Variants in ITGAE observed in about 807,000 individuals in gnomAD.
ITGAE encodes the protein integrin alpha-E.
Under a neutral mutation model 136.5 loss-of-function variants are expected in ITGAE, and 99 were observed. The observed-to-expected ratio is 0.73, with a 90% CI of 0.62 to 0.86. The LOEUF is 0.86. ITGAE is among the 40% of genes least tolerant of loss of function. The pLI is 0.00. For synonymous variants in ITGAE, 613 were observed against 591.8 expected, an observed-to-expected ratio of 1.04 and a Z score of -0.52; for missense variants, 1,447 against 1,515.3, an observed-to-expected ratio of 0.95 and a Z score of 0.75.
intron 1 of ITGAE, among the ~76,000 whole-genome samples, chr17:3,796,762 C>T (rs1009655521): frequency 6.6e-6 from 1 of 152,146 alleles, no homozygotes; most frequent in South Asian, 2.1e-4. Context: ...TCCCCTCAAC[C>T]CTCTGTCTCC....
intron 9 of ITGAE, 40 bp downstream of exon 9, chr17:3,757,666 G>T (rs909284885): frequency 6.2e-7 from 1 of 1,606,976 alleles, no homozygotes; most frequent in Admixed American, 1.7e-5. Flanking sequence ...ACCCCAGGCT[G>T]TGCAGGTTCA....
intron 28 of ITGAE, 117 bp downstream of exon 28, chr17:3,723,171 C>T: frequency 5.4e-6 from 4 of 747,180 alleles, no homozygotes; most frequent in Non-Finnish European, 9.3e-6. Flanking sequence ...TGGTTTTTTG[C>T]ACCAAAAGAT....
intron 18 of ITGAE, 62 bp downstream of exon 18, chr17:3,745,702 C>T: frequency 6.6e-7 from 1 of 1,521,074 alleles, no homozygotes; most frequent in Non-Finnish European, 9.1e-7. Flanking sequence ...CACTGCATCA[C>T]CTCAAATCCT....
intron 28 of ITGAE, among the ~76,000 whole-genome samples, chr17:3,722,130 G>T (rs1342174845): frequency 6.6e-6 from 1 of 151,468 alleles, no homozygotes; most frequent in Non-Finnish European, 1.5e-5. Context: ...AGTGAGCCGA[G>T]ATCGTGCCAT....
rs1257916563 is a variant in ITGAE, at chr17:3,799,023, A to G, written c.34+2088T>C. Among the ~76,000 whole-genome samples the G allele has an allele frequency of 2.6e-5, 4 of 152,156 alleles. No individual in the cohort carries two copies. On this transcript the variant is annotated intron_variant, in intron 1 of 30. Coordinates refer to ENST00000263087, the MANE Select transcript of ITGAE (RefSeq NM_002208.5). The surrounding 1 kb of genome is among the most constrained non-coding windows in gnomAD (Gnocchi z 4.1). ...CTGGAGAGAGTGGAAGGTCAGGGCC[A>G]GGCCAGGCCAGTCCTGGATTCTCTC...
rs114797837 is a variant in ITGAE, at chr17:3,796,441, G to A, written c.34+4670C>T. Among the ~76,000 whole-genome samples the A allele has an allele frequency of 5.6e-3, 846 of 152,236 alleles. 8 individuals carry two copies. The highest frequency in any genetic ancestry group is 0.019 in the African/African-American group (802 of 41,544). The stretch of plus-strand genomic sequence containing the variant: ...TGCCTTGGAGTCACTGAAGGACCCT[G>A]GGCTTGGCACCTCGCTTCCGTCTCC... On this transcript the variant is annotated intron_variant, in intron 1 of 30. Transcript: ENST00000263087.
At chr17:3,800,478 C>T (rs1349329054) in intron 1 of ITGAE, among the ~76,000 whole-genome samples, 4 of 152,212 alleles carry the variant, frequency 2.6e-5, no homozygotes, top group Non-Finnish European at 5.9e-5. Context: ...ACAGGGGGCC[C>T]CCGAAAGGAC....
At chr17:3,727,344 G>A (rs1297354150) in intron 26 of ITGAE, among the ~76,000 whole-genome samples, 1 of 151,784 alleles carries the variant, frequency 6.6e-6, no homozygotes, top group South Asian at 2.1e-4. Context: ...CAGAGAAGCA[G>A]AATTTATCAA....
intron 28 of ITGAE, chr17:3,722,417 G>T (rs999517589): frequency 5.3e-5 from 8 of 151,970 alleles, no homozygotes; most frequent in East Asian, 3.9e-4. Flanking sequence ...GGAGGCGGAG[G>T]TTGCAGTGAG....
At chr17:3,774,032 C>T (rs936536974) in intron 2 of ITGAE, among the ~76,000 whole-genome samples, 6 of 152,080 alleles carry the variant, frequency 3.9e-5, no homozygotes, top group East Asian at 1.9e-4. Context: ...TCACAGGATC[C>T]AAGTCTGCCT....
chr17:3,800,508 G>A (rs1477070514), intron 1 of ITGAE, among the ~76,000 whole-genome samples: 6 of 152,170 alleles, frequency 3.9e-5, no homozygotes, highest in African/African-American at 1.2e-4. Context: ...GGCTTGCCCA[G>A]AGGCTTCCAT....
chr17:3,721,260 CTTTTTTT>C (rs869087347), intron 28 of ITGAE, among the ~76,000 whole-genome samples: 2 of 46,214 alleles, frequency 4.3e-5, no homozygotes, highest in Admixed American at 2.9e-4. Context: ...GAGATTTTTC[CTTTTTTT>C]TTTTTTTTTT....
chr17:3,715,175 C>T (rs1040117280), intron 30 of ITGAE, among the ~76,000 whole-genome samples: 5 of 152,300 alleles, frequency 3.3e-5, no homozygotes, highest in South Asian at 4.1e-4. Context: ...CCTGCTCTCC[C>T]GAGCAGCTGA....
At chr17:3,720,726 G>T in intron 28 of ITGAE, 1 of 197,648 alleles carries the variant, frequency 5.1e-6, no homozygotes, top group Middle Eastern at 2.2e-3. Context: ...GGAATTATGG[G>T]CATGTGCCAC....
intron 1 of ITGAE, among the ~76,000 whole-genome samples, chr17:3,797,207 C>T (rs1251742151): frequency 1.4e-5 from 2 of 142,308 alleles, no homozygotes; most frequent in South Asian, 2.2e-4. Context: ...GCTCTGTCGC[C>T]CAGGCTGGAG....
At position 3,727,971 on chromosome 17, in the gene ITGAE, G is replaced by C; in HGVS notation, c.3032C>G (p.Thr1011Ser). Reference protein sequence around the residue: ...AEYQLQICVPTKLRGLQVVAV... With the variant: ...AEYQLQICVPSKLRGLQVVAV... ...TACAACCTGGAGACCTCGTAATTTG[G>C]TTGGGACGCAAATTTGCAACTGGTA... Residue 1011 changes from threonine to serine, a missense_variant, in exon 26 of 31, where the codon ACC (threonine) becomes AGC (serine). By Grantham distance (58) the Thr-to-Ser change is moderately conservative. This residue lies in a region of ITGAE where 1,031 missense variants were observed against 1,011.4 expected (regional missense o/e 1.02). Transcript: ENST00000263087. 1 of 1,614,100 alleles carries C rather than the reference G, an allele frequency of 6.2e-7. No individual in the cohort carries two copies. Among genetic ancestry groups the C allele is most frequent in the Non-Finnish European group, 8.5e-7 (1 of 1,179,972 alleles).
intron 30 of ITGAE, among the ~76,000 whole-genome samples, chr17:3,715,942 G>A (rs2050934425): frequency 6.6e-6 from 1 of 151,920 alleles, no homozygotes; most frequent in Non-Finnish European, 1.5e-5. Context: ...GGATCACAAG[G>A]TCAGGAGTTT....
chr17:3,731,282 C>T, intron 22 of ITGAE, 99 bp from the exon 23 acceptor site: 1 of 792,880 alleles, frequency 1.3e-6, no homozygotes, highest in South Asian at 1.5e-5. Context: ...GACGATTCCT[C>T]AGATTTTCAC....
intron 24 of ITGAE, chr17:3,729,213 T>C (rs2143009800): frequency 2.4e-6 from 1 of 419,902 alleles, no homozygotes; most frequent in Middle Eastern, 6.8e-4. Flanking sequence ...ACAGCTGCCT[T>C]CTTCCCTCCA....
Sources: gnomAD v4.1 joint callset for allele counts (sites outside exome capture counted in the v4.1 genomes callset) on GRCh38, gnomAD v4.1.1 for gene constraint, gnomAD v4.1.1 regional missense constraint, Gnocchi (gnomAD v3.1) non-coding constraint, MANE v1.5 for transcripts, NCBI Gene and HGNC (gene_info 2026-07-23, HGNC 2026-07-21) for gene names.